Variants in GLIS3 observed in about 807,000 individuals in gnomAD.
GLIS3 encodes the protein zinc finger protein GLIS3.
GLIS3 carries 53 observed loss-of-function variants against 78.6 expected under a neutral mutation model. The ratio of observed to expected loss-of-function variants is 0.67; its 90% CI spans 0.54 to 0.85. The LOEUF (loss-of-function observed/expected upper bound fraction) is 0.85, where lower values mean the gene tolerates loss of function less well. GLIS3 is among the 40% of genes least tolerant of loss of function. The pLI, the probability that GLIS3 is intolerant of heterozygous loss-of-function variation, is 0.00. For synonymous variants in GLIS3, 684 were observed against 509.9 expected, an observed-to-expected ratio of 1.34 and a Z score of -4.60; for missense variants, 1,703 against 1,231.1, an observed-to-expected ratio of 1.38 and a Z score of -5.74.
intron 2 of GLIS3, among the ~76,000 whole-genome samples, chr9:4,204,557 T>G (rs1430075895): frequency 3.3e-5 from 5 of 151,700 alleles, no homozygotes; most frequent in African/African-American, 1.2e-4. Context: ...CCAAGAAAAA[T>G]GCAGAGAACC....
Position 3,826,426 on chromosome 9 carries a change from T to C in GLIS3, c.*1846A>G, listed in dbSNP as rs1345606188. 6.6e-6 allele frequency: 1 copy of C among 151,050 alleles called. No individual in the cohort carries two copies. Among genetic ancestry groups the C allele is most frequent in the African/African-American group, 2.4e-5 (1 of 41,004 alleles). 9.4% of individuals were successfully genotyped at this position (151,050 alleles called of 1,614,324 possible). ...TACAAGCAGCCTTGGAGTTCACTTG[T>C]AAAGGAAGCCTGGTGTGCATCTTTT... is the stretch of plus-strand genomic sequence containing the variant. On this transcript the variant is annotated 3_prime_UTR_variant, in exon 11 of 11. Transcript: ENST00000381971.
chr9:4,417,105 C>T, the GLIS3 span, among the ~76,000 whole-genome samples: 1 of 152,128 alleles, frequency 6.6e-6, no homozygotes, highest in African/African-American at 2.4e-5. Context: ...CACAATTATA[C>T]ACTTTTCCGT....
intron 2 of GLIS3, among the ~76,000 whole-genome samples, chr9:4,237,490 G>A (rs777408166): frequency 3.2e-4 from 49 of 152,144 alleles, no homozygotes; most frequent in Non-Finnish European, 8.8e-5. Context: ...GCTACTTCAG[G>A]CTCAGTCTAC....
intron 4 of GLIS3, among the ~76,000 whole-genome samples, chr9:3,938,531 T>TA (rs771833510): frequency 1.8e-4 from 27 of 151,622 alleles, no homozygotes; most frequent in South Asian, 1.0e-3. Flanking sequence ...ACGAACTAAG[T>TA]AAAAAAAAAT....
intron 6 of GLIS3, among the ~76,000 whole-genome samples, chr9:3,913,897 G>A (rs141656682): frequency 2.6e-5 from 4 of 152,236 alleles, no homozygotes; most frequent in Non-Finnish European, 4.4e-5. Context: ...AAATGTTTAG[G>A]GAATGTGTGA....
At chr9:4,474,326 T>A in the GLIS3 span, among the ~76,000 whole-genome samples, 7 of 152,142 alleles carry the variant, frequency 4.6e-5, no homozygotes, top group African/African-American at 1.7e-4. Context: ...GGCAATATGG[T>A]GAAACCCCAT....
chr9:3,829,210 C>T, intron 10 of GLIS3, 100 bp downstream of exon 10: 1 of 961,002 alleles, frequency 1.0e-6, no homozygotes, highest in Non-Finnish European at 1.7e-6. Flanking sequence ...TTGATGCGGT[C>T]ATGTGCTTGG....
intron 4 of GLIS3, among the ~76,000 whole-genome samples, chr9:4,031,404 G>C (rs1823820020): frequency 6.6e-6 from 1 of 152,322 alleles, no homozygotes; most frequent in East Asian, 1.9e-4. Context: ...TATAATATAT[G>C]ATTCCATTTA....
At chr9:4,483,723 G>GGA in the GLIS3 span, among the ~76,000 whole-genome samples, 1 of 108,608 alleles carries the variant, frequency 9.2e-6, no homozygotes, top group African/African-American at 3.3e-5. Flanking sequence ...TTCGTCTTGG[G>GGA]AAAAAAAAAA....
At chr9:4,044,509 G>C (rs1825088709) in intron 4 of GLIS3, among the ~76,000 whole-genome samples, 1 of 151,976 alleles carries the variant, frequency 6.6e-6, no homozygotes. Context: ...CTATTTTTCA[G>C]TGAAAATTAT....
At chr9:4,370,508 T>C in the GLIS3 span, among the ~76,000 whole-genome samples, 5 of 152,160 alleles carry the variant, frequency 3.3e-5, no homozygotes, top group African/African-American at 9.6e-5. Context: ...TTATTCCAAA[T>C]TGTCAAGACC....
chr9:4,469,259 T>A, the GLIS3 span, among the ~76,000 whole-genome samples: 3 of 152,124 alleles, frequency 2.0e-5, no homozygotes, highest in African/African-American at 4.8e-5. Flanking sequence ...TATCCAGGAA[T>A]TGAACTCAGC....
chr9:3,826,521 C>G lies in GLIS3; in HGVS notation c.*1751G>C, dbSNP rs1324716391. ...GCAGACTTTGACGTCTACGTGAAAG[C>G]TTTTCTTAGAATACAGCCCACTACT... is the stretch of plus-strand genomic sequence containing the variant. On this transcript the variant is annotated 3_prime_UTR_variant, in exon 11 of 11. Transcript: ENST00000381971. 6.6e-6 allele frequency: 1 copy of G among 152,176 alleles called. No homozygotes were observed. Among genetic ancestry groups the G allele is most frequent in the African/African-American group, 2.4e-5 (1 of 41,450 alleles). The allele number at this position is 152,176 out of a possible 1,614,324, so 9.4% of individuals were successfully genotyped here.
At chr9:3,891,198 A>G (rs1219092975) in intron 7 of GLIS3, among the ~76,000 whole-genome samples, 2 of 152,178 alleles carry the variant, frequency 1.3e-5, no homozygotes, top group Non-Finnish European at 2.9e-5. Flanking sequence ...GTATTTAGAT[A>G]AAAGCAACAA....
chr9:4,333,367 A>G (rs1817712631), intron 2 of GLIS3, among the ~76,000 whole-genome samples: 1 of 151,930 alleles, frequency 6.6e-6, no homozygotes, highest in Non-Finnish European at 1.5e-5. Flanking sequence ...GGAAGGAAAA[A>G]GGGAAGAAAG....
chr9:4,280,680 T>C (rs1827465293), intron 2 of GLIS3, among the ~76,000 whole-genome samples: 1 of 152,148 alleles, frequency 6.6e-6, no homozygotes, highest in Non-Finnish European at 1.5e-5. Context: ...GGGAAAGCTG[T>C]TTGAAGAGGA....
Position 4,118,207 on chromosome 9 carries a change from G to A in GLIS3, c.1271C>T (p.Ser424Leu), listed in dbSNP as rs1456286419. 7 of 1,586,408 alleles carry A rather than the reference G, an allele frequency of 4.4e-6. No homozygotes were observed. Among genetic ancestry groups the A allele is most frequent in the African/African-American group, 1.3e-5 (1 of 74,458 alleles). Residue 424 changes from serine (S) to leucine (L), a missense_variant, in exon 4 of 11, where the codon TCG (serine) becomes TTG (leucine). By Grantham distance (145) the Ser-to-Leu change is moderately radical. Transcript: ENST00000381971. The surrounding 1 kb of genome is among the most constrained non-coding windows in gnomAD (Gnocchi z 4.7). Reference protein sequence around the residue: ...QHGLPGPDSQSAGLFKTERLE... With the variant: ...QHGLPGPDSQLAGLFKTERLE... Reference sequence around the variant, plus strand: ...GCGTTCGGTCTTGAACAGGCCGGCCGACTGGCTGTCGGGGCCCGGCAGGCC... The same window carrying A: ...GCGTTCGGTCTTGAACAGGCCGGCCAACTGGCTGTCGGGGCCCGGCAGGCC...
At chr9:4,021,197 T>C (rs1052334064) in intron 4 of GLIS3, among the ~76,000 whole-genome samples, 6 of 152,138 alleles carry the variant, frequency 3.9e-5, no homozygotes, top group African/African-American at 1.2e-4. Context: ...GTATACACAC[T>C]ATATGACACT....
chr9:3,957,766 T>G (rs1817240599), intron 4 of GLIS3, among the ~76,000 whole-genome samples: 1 of 152,210 alleles, frequency 6.6e-6, no homozygotes, highest in African/African-American at 2.4e-5. Flanking sequence ...AAAGGGCTCT[T>G]TCATGTTTTT....
Sources: allele counts gnomAD v4.1 joint callset (sites outside exome capture counted in the v4.1 genomes callset), GRCh38; gene constraint gnomAD v4.1.1; non-coding constraint Gnocchi (gnomAD v3.1); transcripts MANE v1.5; gene names NCBI Gene and HGNC (gene_info 2026-07-23, HGNC 2026-07-21).